ESR1: variants seen among roughly 807,000 people sequenced by gnomAD.
The protein encoded by ESR1 is estrogen receptor.
ESR1 carries 12 observed loss-of-function variants against 52.7 expected under a neutral mutation model. The ratio of observed to expected loss-of-function variants is 0.23; its 90% CI spans 0.15 to 0.37. The LOEUF is 0.37. Among genes scored for constraint, ESR1 ranks in the 10% least tolerant of loss-of-function variants. The probability of loss-of-function intolerance (pLI) is 1.00; values close to 1 mark genes in which losing one functional copy is unlikely to be tolerated. For synonymous variants in ESR1, 305 were observed against 316.8 expected (o/e 0.96, Z 0.39); for missense variants, 584 against 779.7 (o/e 0.75, Z 2.99).
At chr6:152,059,875 T>C (rs1404267249) in intron 5 of ESR1, among the ~76,000 whole-genome samples, 1 of 152,146 alleles carries the variant, frequency 6.6e-6, no homozygotes, top group Non-Finnish European at 1.5e-5. Flanking sequence ...TGAAGACATA[T>C]TGAGCTGTCA....
chr6:151,941,016 C>A (rs552543637), intron 3 of ESR1, among the ~76,000 whole-genome samples: 2 of 152,092 alleles, frequency 1.3e-5, no homozygotes, highest in Non-Finnish European at 2.9e-5. Flanking sequence ...GGTAATACTA[C>A]GTTTCGTTTT....
At chr6:151,714,099 A>G (rs117872113) in intron 2 of ESR1, among the ~76,000 whole-genome samples, 3,117 of 152,222 alleles carry the variant, frequency 0.02, 38 homozygotes, top group East Asian at 0.033. Context: ...TGTCATTTAC[A>G]CAGTAGTCAT....
chr6:152,047,397 G>A (rs999236030), intron 5 of ESR1, among the ~76,000 whole-genome samples: 3 of 152,206 alleles, frequency 2.0e-5, no homozygotes, highest in African/African-American at 7.2e-5. Context: ...TATTGGAAAA[G>A]TGTCATGGAA....
chr6:152,018,841 A>AG (rs1554310660), intron 5 of ESR1, among the ~76,000 whole-genome samples: 6 of 151,300 alleles, frequency 4.0e-5, no homozygotes, highest in African/African-American at 1.5e-4. Flanking sequence ...AAAAAAAGAA[A>AG]AAAAAAAGGA....
intron 1 of ESR1, among the ~76,000 whole-genome samples, chr6:151,817,933 A>T (rs1051828776): frequency 6.6e-6 from 1 of 152,160 alleles, no homozygotes; most frequent in Non-Finnish European, 1.5e-5. Flanking sequence ...ACAATTGTTG[A>T]TTGCATAAAA....
chr6:152,082,536 C>T (rs1344238441), intron 6 of ESR1, among the ~76,000 whole-genome samples: 5 of 152,178 alleles, frequency 3.3e-5, no homozygotes, highest in Non-Finnish European at 7.3e-5. Context: ...GGAAGCATTC[C>T]TTTTGAAAAC....
chr6:151,944,108 T>A (rs573673417), intron 3 of ESR1, 65 bp from the exon 4 acceptor site: 2 of 1,449,052 alleles, frequency 1.4e-6, no homozygotes, highest in Non-Finnish European at 9.6e-7. Context: ...GCTTTGAAAA[T>A]TTTTTGTATA....
At chr6:151,667,513 T>C (rs1002630671) in intron 1 of ESR1, among the ~76,000 whole-genome samples, 21 of 152,232 alleles carry the variant, frequency 1.4e-4, no homozygotes, top group Non-Finnish European at 4.4e-5. Context: ...AGGTCTTCTA[T>C]AATTTTGTAT....
chr6:151,685,999 C>T (rs1165366498), upstream of ESR1, among the ~76,000 whole-genome samples: 1 of 151,882 alleles, frequency 6.6e-6, no homozygotes, highest in Non-Finnish European at 1.5e-5. Context: ...AAACAGTTCT[C>T]CCACCACAGC....
intron 2 of ESR1, among the ~76,000 whole-genome samples, chr6:151,723,444 CTTCAT>C (rs914384390): frequency 1.2e-4 from 19 of 152,192 alleles, no homozygotes; most frequent in African/African-American, 4.6e-4. Flanking sequence ...ACCTGATAGC[CTTCAT>C]TTCATTTCTG....
intron 4 of ESR1, among the ~76,000 whole-genome samples, chr6:151,953,607 G>T (rs1362050278): frequency 6.6e-6 from 1 of 152,062 alleles, no homozygotes; most frequent in Non-Finnish European, 1.5e-5. Context: ...TGTAGTCCCA[G>T]CTACTCGGGA....
chr6:151,721,257 C>T (rs933397727), intron 2 of ESR1, among the ~76,000 whole-genome samples: 1 of 152,154 alleles, frequency 6.6e-6, no homozygotes, highest in Non-Finnish European at 1.5e-5. Flanking sequence ...ATTTGGGTAA[C>T]AAGATAGGAC....
intron 1 of ESR1, among the ~76,000 whole-genome samples, chr6:151,685,405 T>A (rs1468674426): frequency 6.6e-6 from 1 of 151,726 alleles, no homozygotes; most frequent in Non-Finnish European, 1.5e-5. Context: ...AGTGCTGGGA[T>A]TACAGGCGTG....
At chr6:151,740,339 G>T (rs2982550) in intron 2 of ESR1, among the ~76,000 whole-genome samples, 79,943 of 140,998 alleles carry the variant, frequency 0.57, 23,348 homozygotes, top group African/African-American at 0.67. Flanking sequence ...TTTTCTCATG[G>T]TGGCCAGGCT....
intron 2 of ESR1, among the ~76,000 whole-genome samples, chr6:151,778,842 TTTG>T (rs1402147125): frequency 6.6e-6 from 1 of 152,210 alleles, no homozygotes; most frequent in African/African-American, 2.4e-5. Context: ...TGCCAAAAAA[TTTG>T]TTTTCGCTGT....
At chr6:151,715,586 C>A (rs1780967060) in intron 2 of ESR1, among the ~76,000 whole-genome samples, 1 of 152,104 alleles carries the variant, frequency 6.6e-6, no homozygotes, top group South Asian at 2.1e-4. Flanking sequence ...TCAAGTTGAT[C>A]TTCAATCTCT....
At chr6:152,004,156 A>G (rs1213277659) in intron 4 of ESR1, among the ~76,000 whole-genome samples, 4 of 152,020 alleles carry the variant, frequency 2.6e-5, no homozygotes, top group Admixed American at 1.3e-4. Flanking sequence ...GGTGAGTAGA[A>G]TGTAACTACA....
chr6:151,701,396 G>A (rs1334066997), intron 1 of ESR1, among the ~76,000 whole-genome samples: 1 of 151,716 alleles, frequency 6.6e-6, no homozygotes, highest in Non-Finnish European at 1.5e-5. Context: ...GGGCGTGGTG[G>A]TGTGCGCCTG....
At chr6:151,721,126 A>G (rs1280139396) in intron 2 of ESR1, among the ~76,000 whole-genome samples, 1 of 152,220 alleles carries the variant, frequency 6.6e-6, no homozygotes, top group East Asian at 1.9e-4. Context: ...AACTTTGTCC[A>G]ATGAAGTCTT....
Sources: gnomAD v4.1 joint callset for allele counts (sites outside exome capture counted in the v4.1 genomes callset) on GRCh38, gnomAD v4.1.1 for gene constraint, MANE v1.5 for transcripts, NCBI Gene and HGNC (gene_info 2026-07-23, HGNC 2026-07-21) for gene names.